The following RAB11FIP5 variants were observed in gnomAD, a reference collection of about 807,000 sequenced individuals.
The protein encoded by RAB11FIP5 is RAB11 family interacting protein 5, also known as rab11 family-interacting protein 5.
RAB11FIP5 carries 48 observed loss-of-function variants against 85.1 expected under a neutral mutation model. The ratio of observed to expected loss-of-function variants is 0.56; its 90% CI spans 0.45 to 0.72. RAB11FIP5 has a LOEUF of 0.72. Among genes scored for constraint, RAB11FIP5 ranks in the 30% least tolerant of loss-of-function variants. RAB11FIP5 has a pLI of 0.00. For missense variants in RAB11FIP5, 1,491 were observed against 1,687.0 expected, an observed-to-expected ratio of 0.88 and a Z score of 2.04; for synonymous variants, 729 against 727.3, an observed-to-expected ratio of 1.00 and a Z score of -0.04.
At chr2:73,101,825 T>A (rs1227386502) in intron 1 of RAB11FIP5, among the ~76,000 whole-genome samples, 1 of 152,076 alleles carries the variant, frequency 6.6e-6, no homozygotes, top group African/African-American at 2.4e-5. Flanking sequence ...CACCACCCCT[T>A]AAAGGCACAG....
chr2:73,081,131 C>G lies in RAB11FIP5; in HGVS notation c.2101G>C (p.Gly701Arg), dbSNP rs910619338. 6 of 1,234,102 alleles carry G rather than the reference C, an allele frequency of 4.9e-6. No individual in the cohort carries two copies. The highest frequency in any genetic ancestry group is 3.0e-6 in the Non-Finnish European group (3 of 989,554). 76.4% of individuals were successfully genotyped at this position (1,234,102 alleles called of 1,614,324 possible). A position where few individuals can be genotyped will look rare whatever the true frequency, so the allele number is the denominator to read the frequency against. Residue 701 changes from glycine to arginine, a missense_variant, in exon 4 of 6, where the codon GGG (glycine) becomes CGG (arginine). This residue lies in a region of RAB11FIP5 where 1,211 missense variants were observed against 1,338.0 expected (regional missense o/e 0.91). Transcript: ENST00000486777. This position sits in a 1 kb window ranked among gnomAD's most constrained non-coding sequence, Gnocchi z 4.2. ...CCTCCTCCTCCTCCTCCTCCTCCCCCAGGCTCTCCCTGGGGCTCAGCTGCC... is the reference window on the plus strand; with the variant it reads ...CCTCCTCCTCCTCCTCCTCCTCCCCGAGGCTCTCCCTGGGGCTCAGCTGCC... ...AKAAEPQGEPGGGGGGGGGGG... is the reference protein window; with the variant it reads ...AKAAEPQGEPRGGGGGGGGGG...
At chr2:73,097,714 C>T (rs1275226218) in intron 1 of RAB11FIP5, among the ~76,000 whole-genome samples, 1 of 152,188 alleles carries the variant, frequency 6.6e-6, no homozygotes, top group Non-Finnish European at 1.5e-5. Context: ...GGGCAGGAGC[C>T]AGAGATGTCA....
intron 1 of RAB11FIP5, among the ~76,000 whole-genome samples, chr2:73,106,911 C>T (rs1246735243): frequency 6.6e-6 from 1 of 152,166 alleles, no homozygotes; most frequent in Non-Finnish European, 1.5e-5. Flanking sequence ...CCTCCCCACC[C>T]TGCAGCTTCT....
At chr2:73,096,358 A>C (rs1684319522) in intron 1 of RAB11FIP5, among the ~76,000 whole-genome samples, 1 of 152,224 alleles carries the variant, frequency 6.6e-6, no homozygotes, top group Non-Finnish European at 1.5e-5. Flanking sequence ...GACCTGGGGC[A>C]GCTGTCACAC....
chr2:73,080,979 G>A lies in RAB11FIP5; in HGVS notation c.2253C>T (p.Pro751=), dbSNP rs192048227. ...TCAGCTGTAGCTGGGCTGACGAGGA[G>A]GGCAGGCCAGCCCCTACCGACCCGA... The part of the protein sequence containing the change: ...GLLGSVGAGL[P]SSSAQLQLRA... Residue 751 remains proline, a synonymous_variant, in exon 4 of 6, where the codon CCC becomes CCT. Transcript: ENST00000486777. 2.4e-3 allele frequency: 2,964 copies of A among 1,232,322 alleles called. 42 individuals carry two copies. The African/African-American group carries it at 0.038, about 16-fold the overall frequency. 76.3% of individuals were successfully genotyped at this position (1,232,322 alleles called of 1,614,324 possible).
intron 3 of RAB11FIP5, among the ~76,000 whole-genome samples, chr2:73,082,935 C>T (rs1684016234): frequency 6.6e-6 from 1 of 152,180 alleles, no homozygotes; most frequent in Non-Finnish European, 1.5e-5. Flanking sequence ...ACCTCGGTGG[C>T]CTCACCCTCT....
chr2:73,079,855 G>A lies in RAB11FIP5; in HGVS notation c.3377C>T (p.Ser1126Phe). The A allele has an allele frequency of 8.1e-7, 1 of 1,232,394 alleles. No homozygotes were observed. Among genetic ancestry groups the A allele is most frequent in the Non-Finnish European group, 1.0e-6 (1 of 988,168 alleles). 76.3% of individuals were successfully genotyped at this position (1,232,394 alleles called of 1,614,324 possible). A position where few individuals can be genotyped will look rare whatever the true frequency, so the allele number is the denominator to read the frequency against. Reference protein sequence around the residue: ...HHRGGPSPPCSPLSEAWPLTT... With the variant: ...HHRGGPSPPCFPLSEAWPLTT... Reference sequence around the variant, plus strand: ...CAGGGGCCAGGCTTCAGACAGGGGAGAGCATGGAGGGCTGGGCCCCCCACG... The same window carrying A: ...CAGGGGCCAGGCTTCAGACAGGGGAAAGCATGGAGGGCTGGGCCCCCCACG... The change falls in exon 4 of 6, where the codon TCT becomes TTT. Residue 1126 changes from serine to phenylalanine, a missense_variant. Ser to Phe is a radical substitution (Grantham distance 155, BLOSUM62 -2). Transcript: ENST00000486777.
chr2:73,098,471 A>G (rs1408204721), intron 1 of RAB11FIP5, among the ~76,000 whole-genome samples: 1 of 152,242 alleles, frequency 6.6e-6, no homozygotes, highest in Non-Finnish European at 1.5e-5. Context: ...GGCCCGGCAC[A>G]CGGGAAACGC....
chr2:73,095,259 T>A (rs571405355), intron 1 of RAB11FIP5, among the ~76,000 whole-genome samples: 8 of 152,252 alleles, frequency 5.3e-5, no homozygotes, highest in African/African-American at 1.7e-4. Context: ...CAGGACATGA[T>A]GGACACAGTA....
chr2:73,112,493 C>G lies in RAB11FIP5; in HGVS notation c.285G>C (p.Pro95=). Residue 95 remains proline, a synonymous_variant, in exon 1 of 6, where the codon CCG becomes CCC. Transcript: ENST00000486777. ...LLRAQEADAG[P]APWAASSAAA... ...CGGCGGAGCTCGCGGCCCAGGGCGC[C>G]GGGCCCGCGTCGGCCTCCTGCGCCC... 1 of 1,488,652 alleles carries G rather than the reference C, an allele frequency of 6.7e-7. No homozygotes were observed. Among genetic ancestry groups the G allele is most frequent in the Non-Finnish European group, 8.9e-7 (1 of 1,123,410 alleles). The allele number at this position is 1,488,652 out of a possible 1,614,324, so 92.2% of individuals were successfully genotyped here. A position where few individuals can be genotyped will look rare whatever the true frequency, so the allele number is the denominator to read the frequency against.
At chr2:73,092,109 G>A (rs6712925) in intron 1 of RAB11FIP5, among the ~76,000 whole-genome samples, 22 of 152,140 alleles carry the variant, frequency 1.4e-4, no homozygotes, top group Admixed American at 5.2e-4. Flanking sequence ...AGTGACCACC[G>A]TGGGCCTGAC....
At position 73,081,137 on chromosome 2, in the gene RAB11FIP5, C is replaced by A; in HGVS notation, c.2095G>T (p.Glu699Ter). ...CCTCCTCCTCCTCCTCCCCCAGGCT[C>A]TCCCTGGGGCTCAGCTGCCTTCGCA... ...MTAKAAEPQGEPGGGGGGGGG... is the reference protein window; with the variant it reads ...MTAKAAEPQG The change falls in exon 4 of 6, where the codon GAG becomes TAG. Residue 699 changes from glutamate to a stop codon, truncating the protein, a stop_gained. Transcript: ENST00000486777. LOFTEE classifies it high-confidence loss of function. The surrounding 1 kb of genome is among the most constrained non-coding windows in gnomAD (Gnocchi z 4.2). 3 of 1,233,558 alleles carry A rather than the reference C, an allele frequency of 2.4e-6. No homozygotes were observed. Among genetic ancestry groups the A allele is most frequent in the Non-Finnish European group, 3.0e-6 (3 of 989,012 alleles). The allele number at this position is 1,233,558 out of a possible 1,614,324, so 76.4% of individuals were successfully genotyped here. A position where few individuals can be genotyped will look rare whatever the true frequency, so the allele number is the denominator to read the frequency against.
intron 1 of RAB11FIP5, among the ~76,000 whole-genome samples, chr2:73,108,462 C>T (rs927626989): frequency 1.6e-4 from 25 of 152,208 alleles, no homozygotes; most frequent in Admixed American, 1.3e-3. Context: ...CACACAAAGA[C>T]CAGCATTCCA....
At chr2:73,084,311 A>C (rs1215135384) in intron 3 of RAB11FIP5, 2 of 152,086 alleles carry the variant, frequency 1.3e-5, no homozygotes, top group African/African-American at 4.8e-5. Context: ...CTCACTTCAA[A>C]ACATCTCCCT....
chr2:73,091,313 T>C (rs1335526514), intron 1 of RAB11FIP5, among the ~76,000 whole-genome samples: 1 of 152,148 alleles, frequency 6.6e-6, no homozygotes, highest in Non-Finnish European at 1.5e-5. Flanking sequence ...GTCTTCACAT[T>C]TCTGAGGGAA....
Position 73,089,401 on chromosome 2 carries a change from T to C in RAB11FIP5, c.432-86A>G. ...CGGTACCAGGCACTGCCCAGACCCC[T>C]CCTTGCTCTGAGAGCCACTGATAGC... On this transcript the variant is annotated intron_variant, in intron 1 of 5. Transcript: ENST00000486777. This position sits in a 1 kb window ranked among gnomAD's most constrained non-coding sequence, Gnocchi z 4.6. 2 of 1,403,482 alleles carry C rather than the reference T, an allele frequency of 1.4e-6. No homozygotes were observed. The highest frequency in any genetic ancestry group is 2.0e-6 in the Non-Finnish European group (2 of 999,924). 86.9% of individuals were successfully genotyped at this position (1,403,482 alleles called of 1,614,324 possible). A position where few individuals can be genotyped will look rare whatever the true frequency, so the allele number is the denominator to read the frequency against.
Position 73,081,081 on chromosome 2 carries a change from G to C in RAB11FIP5, c.2151C>G (p.Ser717Arg). ...GAGGAACCCTGGGCTCCAGCCACAC[G>C]CTGCTCCCACCTCTTCCTCCTCCTC... The part of the protein sequence containing the change: ...GGGGGGRGGS[S>R]VWLEPRVPLD... The change falls in exon 4 of 6, where the codon AGC (serine) becomes AGG (arginine). Residue 717 changes from serine to arginine, a missense_variant. Physicochemically the swap from Ser to Arg is moderately radical, Grantham distance 110 (BLOSUM62 -1). Transcript: ENST00000486777. The surrounding 1 kb of genome is among the most constrained non-coding windows in gnomAD (Gnocchi z 4.2). 1 of 1,230,488 alleles carries C rather than the reference G, an allele frequency of 8.1e-7. No homozygotes were observed. The highest frequency in any genetic ancestry group is 1.0e-6 in the Non-Finnish European group (1 of 989,252). 76.2% of individuals were successfully genotyped at this position (1,230,488 alleles called of 1,614,324 possible). A position where few individuals can be genotyped will look rare whatever the true frequency, so the allele number is the denominator to read the frequency against.
At position 73,075,753 on chromosome 2, in the gene RAB11FIP5, G is replaced by T. The variant is rs773741834; in HGVS notation, c.3772-29C>A. 6.4e-7 allele frequency: 1 copy of T among 1,560,636 alleles called. No individual in the cohort carries two copies. The highest frequency in any genetic ancestry group is 8.7e-7 in the Non-Finnish European group (1 of 1,152,034). On this transcript the variant is annotated intron_variant, in intron 5 of 5. Coordinates refer to ENST00000486777, the MANE Select transcript of RAB11FIP5 (RefSeq NM_001371272.1). The surrounding 1 kb of genome is among the most constrained non-coding windows in gnomAD (Gnocchi z 4.6). ...AGGCCGGACCGAAGACAGTGAGCAGGGCAGCCCTAGGCCTGCCTGCCTGCC... is the reference window on the plus strand; with the variant it reads ...AGGCCGGACCGAAGACAGTGAGCAGTGCAGCCCTAGGCCTGCCTGCCTGCC...
At position 73,088,669 on chromosome 2, in the gene RAB11FIP5, G is replaced by A. The variant is rs148926422; in HGVS notation, c.949C>T (p.Pro317Ser). The A allele has an allele frequency of 1.6e-4, 257 of 1,613,046 alleles. No homozygotes were observed. The highest frequency in any genetic ancestry group is 2.2e-4 in the Non-Finnish European group (254 of 1,180,024). Residue 317 changes from proline to serine, a missense_variant, in exon 3 of 6, where the codon CCT (proline) becomes TCT (serine). Pro to Ser is a moderately conservative substitution (Grantham distance 74). Transcript: ENST00000486777. ...TGAAGGTCCAGAAGGGCCCGAGGAG[G>A]AGCCACTCGCATCTGGTTGGCCTCA... ...SDEANQMRVAPPRALLDLQGH... is the reference protein window; with the variant it reads ...SDEANQMRVASPRALLDLQGH...
Sources: allele counts gnomAD v4.1 joint callset (sites outside exome capture counted in the v4.1 genomes callset), GRCh38; gene constraint gnomAD v4.1.1; regional missense constraint gnomAD v4.1.1; non-coding constraint Gnocchi (gnomAD v3.1); transcripts MANE v1.5; gene names NCBI Gene and HGNC (gene_info 2026-07-23, HGNC 2026-07-21).